HBEGF: variants seen among roughly 807,000 people sequenced by gnomAD.
HBEGF encodes proheparin-binding EGF-like growth factor.
In HBEGF, 8 loss-of-function variants were observed where a neutral mutation model predicts 19.5. The ratio of observed to expected loss-of-function variants is 0.41; its 90% CI spans 0.24 to 0.74. HBEGF has a LOEUF of 0.74. Ranked by LOEUF, HBEGF falls within the 30% of genes least tolerant of loss-of-function variation. The pLI is 0.32. For synonymous variants in HBEGF, 97 were observed against 108.9 expected, an observed-to-expected ratio of 0.89 and a Z score of 0.68; for missense variants, 207 against 256.9, an observed-to-expected ratio of 0.81 and a Z score of 1.33.
Position 140,346,534 on chromosome 5 carries a change from G to C in HBEGF, c.-206C>G. Reference sequence around the variant, plus strand: ...TCTTGCTCACTCAGCCCGCCCGCGCGGCCGCCCGACCCCGCGCGCCTAGGT... The same window carrying C: ...TCTTGCTCACTCAGCCCGCCCGCGCCGCCGCCCGACCCCGCGCGCCTAGGT... On this transcript the variant is annotated 5_prime_UTR_variant, in exon 1 of 6. Transcript: ENST00000230990. The surrounding 1 kb of genome is among the most constrained non-coding windows in gnomAD (Gnocchi z 6.1). 1.6e-6 allele frequency: 1 copy of C among 618,346 alleles called. No individual in the cohort carries two copies. The highest frequency in any genetic ancestry group is 2.8e-6 in the Non-Finnish European group (1 of 357,696). The allele number at this position is 618,346 out of a possible 1,614,324, so 38.3% of individuals were successfully genotyped here. A position where few individuals can be genotyped will look rare whatever the true frequency, so the allele number is the denominator to read the frequency against.
chr5:140,344,848 G>A (rs1026088423), intron 2 of HBEGF, among the ~76,000 whole-genome samples: 39 of 146,062 alleles, frequency 2.7e-4, no homozygotes, highest in Admixed American at 2.4e-3. Context: ...AGGAGCAGCC[G>A]TGTGGGTGGG....
At chr5:140,342,923 T>A in intron 2 of HBEGF, 111 bp from the exon 3 acceptor site, 1 of 1,126,048 alleles carries the variant, frequency 8.9e-7, no homozygotes, top group Non-Finnish European at 1.3e-6. Context: ...GTCAGAGATC[T>A]GGGAAGGCCC....
rs570150705 is a variant in HBEGF, at chr5:140,333,432, C to A, written c.*867G>T. ...CATAGAGTGGCTCTGACCAAGTTAA[C>A]CCCTACATCCTGACCATACAGAGCT... On this transcript the variant is annotated 3_prime_UTR_variant, in exon 6 of 6. Coordinates refer to ENST00000230990, the MANE Select transcript of HBEGF (RefSeq NM_001945.3). 1 of 152,926 alleles carries A rather than the reference C, an allele frequency of 6.5e-6. No individual in the cohort carries two copies. Among genetic ancestry groups the A allele is most frequent in the East Asian group, 1.9e-4 (1 of 5,180 alleles). The allele number at this position is 152,926 out of a possible 1,614,324, so 9.5% of individuals were successfully genotyped here. A position where few individuals can be genotyped will look rare whatever the true frequency, so the allele number is the denominator to read the frequency against.
intron 3 of HBEGF, among the ~76,000 whole-genome samples, chr5:140,340,014 T>C (rs1357518928): frequency 6.6e-6 from 1 of 152,124 alleles, no homozygotes. Context: ...GCCCAGGAAG[T>C]GGTGGCCCAC....
At chr5:140,338,003 T>G (rs561125399) in intron 3 of HBEGF, among the ~76,000 whole-genome samples, 17 of 152,160 alleles carry the variant, frequency 1.1e-4, no homozygotes, top group African/African-American at 4.1e-4. Flanking sequence ...TCAGAGAAAT[T>G]AAGTGATTCA....
chr5:140,337,901 A>G (rs1457673949), intron 3 of HBEGF, among the ~76,000 whole-genome samples: 2 of 152,216 alleles, frequency 1.3e-5, no homozygotes, highest in East Asian at 3.8e-4. Flanking sequence ...TTCACAAGCC[A>G]CTAGCCTTAT....
At chr5:140,334,342 C>T in intron 5 of HBEGF, 62 bp from the exon 6 acceptor site, 1 of 286,180 alleles carries the variant, frequency 3.5e-6, no homozygotes, top group South Asian at 6.9e-5. Context: ...TAAGATTTTC[C>T]TGGTCCAGTC....
In HBEGF at chr5:140,345,953, T is replaced by G; in HGVS notation, c.178A>C (p.Lys60Gln). 6.2e-7 allele frequency: 1 copy of G among 1,614,188 alleles called. No homozygotes were observed. The highest frequency in any genetic ancestry group is 1.7e-5 in the Admixed American group (1 of 60,030). The change falls in exon 2 of 6, where the codon AAA (lysine) becomes CAA (glutamine). Residue 60 changes from lysine to glutamine, a missense_variant. This residue lies in a region of HBEGF where 127 missense variants were observed against 132.7 expected (regional missense o/e 0.96). Coordinates refer to ENST00000230990, the MANE Select transcript of HBEGF (RefSeq NM_001945.3). ...TCTGCCTCTTGCAAGTCACGGACTT[T>G]CCGGTCCCGGCCGCCTCCTAGGGGT... ...LLPLGGGRDR[K>Q]VRDLQEADLD...
At chr5:140,338,592 C>G (rs1207681774) in intron 3 of HBEGF, among the ~76,000 whole-genome samples, 6 of 152,168 alleles carry the variant, frequency 3.9e-5, no homozygotes, top group African/African-American at 1.4e-4. Context: ...CCCTCCACCC[C>G]CACCCTGAGT....
At chr5:140,342,578 G>A in intron 3 of HBEGF, 57 bp downstream of exon 3, 2 of 1,514,534 alleles carry the variant, frequency 1.3e-6, no homozygotes, top group Non-Finnish European at 1.8e-6. Flanking sequence ...ACGAGGAACA[G>A]CCACGTGGCT....
At position 140,346,340 on chromosome 5, in the gene HBEGF, G is replaced by A. The variant is rs1189716829; in HGVS notation, c.-12C>T. 8 of 1,606,578 alleles carry A rather than the reference G, an allele frequency of 5.0e-6. No homozygotes were observed. Among genetic ancestry groups the A allele is most frequent in the South Asian group, 4.4e-5 (4 of 89,952 alleles). ...GGCAGCAGCTTCATGGTCCCGCACC[G>A]AGAGGAGGCGGCGAGGCACCAGTCA... On this transcript the variant is annotated 5_prime_UTR_variant, in exon 1 of 6. Transcript: ENST00000230990. The surrounding 1 kb of genome is among the most constrained non-coding windows in gnomAD (Gnocchi z 6.1).
intron 3 of HBEGF, among the ~76,000 whole-genome samples, chr5:140,341,222 G>A (rs548706948): frequency 2.0e-5 from 3 of 152,292 alleles, no homozygotes; most frequent in African/African-American, 7.2e-5. Flanking sequence ...CTCTCCAGGA[G>A]GGCAACCTTA....
chr5:140,335,734 G>A, intron 4 of HBEGF, 138 bp downstream of exon 4: 1 of 918,900 alleles, frequency 1.1e-6, no homozygotes, highest in Non-Finnish European at 1.6e-6. Context: ...CCAGGTTTTT[G>A]GAGAATCTAC....
chr5:140,338,333 C>T (rs1472664895), intron 3 of HBEGF, among the ~76,000 whole-genome samples: 1 of 152,070 alleles, frequency 6.6e-6, no homozygotes, highest in African/African-American at 2.4e-5. Context: ...AGTTACTAGC[C>T]CCATTTTAAA....
intron 3 of HBEGF, among the ~76,000 whole-genome samples, chr5:140,339,412 G>A (rs1766274492): frequency 6.6e-6 from 1 of 152,080 alleles, no homozygotes; most frequent in Non-Finnish European, 1.5e-5. Flanking sequence ...ATTTTTTTGA[G>A]ATGGAGTTTT....
intron 2 of HBEGF, among the ~76,000 whole-genome samples, chr5:140,345,096 C>T (rs775164546): frequency 1.3e-4 from 20 of 152,324 alleles, no homozygotes; most frequent in African/African-American, 3.4e-4. Context: ...GGAACTAGAA[C>T]AGGTGGGCAT....
At chr5:140,338,595 C>T (rs1766262586) in intron 3 of HBEGF, among the ~76,000 whole-genome samples, 2 of 152,172 alleles carry the variant, frequency 1.3e-5, no homozygotes, top group African/African-American at 2.4e-5. Flanking sequence ...TCCACCCCCA[C>T]CCTGAGTCAA....
At chr5:140,341,430 A>C (rs1365502953) in intron 3 of HBEGF, among the ~76,000 whole-genome samples, 2 of 152,316 alleles carry the variant, frequency 1.3e-5, no homozygotes, top group East Asian at 3.9e-4. Context: ...GAAGGATAAT[A>C]TGGGGGCTTT....
Position 140,335,921 on chromosome 5 carries a change from C to T in HBEGF, c.505G>A (p.Val169Met). The T allele has an allele frequency of 6.2e-7, 1 of 1,614,156 alleles. No individual in the cohort carries two copies. The highest frequency in any genetic ancestry group is 8.5e-7 in the Non-Finnish European group (1 of 1,180,042). The change falls in exon 4 of 6, where the codon GTG (valine) becomes ATG (methionine). Residue 169 changes from valine (V) to methionine (M), a missense_variant. Val to Met is a conservative substitution (Grantham distance 21). Coordinates refer to ENST00000230990, the MANE Select transcript of HBEGF (RefSeq NM_001945.3). ...HTTILAVVAVVLSSVCLLVIV... is the reference protein window; with the variant it reads ...HTTILAVVAVMLSSVCLLVIV... ...ACCAGCAGACAGACAGATGACAGCACCACAGCCACCACGGCCAGGATGGTT... is the reference window on the plus strand; with the variant it reads ...ACCAGCAGACAGACAGATGACAGCATCACAGCCACCACGGCCAGGATGGTT...
Sources: allele counts gnomAD v4.1 joint callset (sites outside exome capture counted in the v4.1 genomes callset), GRCh38; gene constraint gnomAD v4.1.1; regional missense constraint gnomAD v4.1.1; non-coding constraint Gnocchi (gnomAD v3.1); transcripts MANE v1.5; gene names NCBI Gene and HGNC (gene_info 2026-07-23, HGNC 2026-07-21).